The following PTPRF variants were observed in gnomAD, a reference collection of about 807,000 sequenced individuals.
The protein encoded by PTPRF is protein tyrosine phosphatase receptor type F.
PTPRF carries 59 observed loss-of-function variants against 201.8 expected under a neutral mutation model. The observed-to-expected ratio is 0.29, with a 90% CI of 0.24 to 0.36. PTPRF has a LOEUF of 0.36. PTPRF is among the 10% of genes least tolerant of loss of function. The pLI, the probability that PTPRF is intolerant of heterozygous loss-of-function variation, is 1.00. For synonymous variants in PTPRF, 1,088 were observed against 1,089.7 expected (o/e 1.00, Z 0.03); for missense variants, 2,132 against 2,690.5 (o/e 0.79, Z 4.59).
Position 43,606,874 on chromosome 1 carries a change from C to G in PTPRF, c.3763C>G (p.Gln1255Glu), listed in dbSNP as rs769404453. 3.1e-6 allele frequency: 5 copies of G among 1,614,184 alleles called. No homozygotes were observed. The Admixed American group carries it at 8.3e-5, about 27-fold the overall frequency. The stretch of plus-strand genomic sequence containing the variant: ...CGTGGTCCAGGTGACACCAGCCCAG[C>G]AGCAGGAGGAGCCGGAGATGCTGTG... The part of the protein sequence containing the change: ...EIVVQVTPAQ[Q>E]QEEPEMLWVT... Residue 1255 changes from glutamine (Q) to glutamate (E), a missense_variant, in exon 21 of 34, where the codon CAG becomes GAG. Physicochemically the swap from Gln to Glu is conservative, Grantham distance 29 (BLOSUM62 2). Coordinates refer to ENST00000359947, the MANE Select transcript of PTPRF (RefSeq NM_002840.5).
chr1:43,579,533 C>T, intron 7 of PTPRF: 1 of 309,774 alleles, frequency 3.2e-6, no homozygotes. Context: ...ATGTTCTTTG[C>T]TGGGAGCGAG....
intron 11 of PTPRF, among the ~76,000 whole-genome samples, chr1:43,595,879 G>A (rs1328223587): frequency 6.6e-6 from 1 of 152,038 alleles, no homozygotes; most frequent in Non-Finnish European, 1.5e-5. Context: ...TGGAGGAGGG[G>A]GACTGTTTCA....
At chr1:43,599,478 C>T (rs947726554) in intron 13 of PTPRF, among the ~76,000 whole-genome samples, 1 of 152,184 alleles carries the variant, frequency 6.6e-6, no homozygotes, top group African/African-American at 2.4e-5. Flanking sequence ...TGTCTTACCC[C>T]ACTGGCGGCC....
chr1:43,604,239 G>T, intron 16 of PTPRF, 50 bp downstream of exon 16: 1 of 1,573,084 alleles, frequency 6.4e-7, no homozygotes, highest in Non-Finnish European at 8.7e-7. Context: ...TGCATCTGGG[G>T]GTCTCTGCTC....
chr1:43,584,941 C>T (rs1021430969), intron 7 of PTPRF, among the ~76,000 whole-genome samples: 1 of 152,228 alleles, frequency 6.6e-6, no homozygotes, highest in Non-Finnish European at 1.5e-5. Flanking sequence ...CCGCACCGCC[C>T]TATTATAGGG....
Position 43,620,921 on chromosome 1 carries a change from T to G in PTPRF, c.5448T>G (p.Ile1816Met). 6.2e-7 allele frequency: 1 copy of G among 1,614,196 alleles called. No individual in the cohort carries two copies. ...QGVPKTGEGF[I>M]DFIGQVHKTK... ...TGCCCAAGACAGGCGAGGGATTCAT[T>G]GACTTCATCGGGCAGGTGCATAAGA... Residue 1816 changes from isoleucine (I) to methionine (M), a missense_variant, in exon 32 of 34, where the codon ATT (isoleucine) becomes ATG (methionine). Ile to Met is a conservative substitution (Grantham distance 10). Around this residue, in one of 6 missense-constraint regions of PTPRF, gnomAD observed 519 missense variants for 659.5 expected, o/e 0.79. Transcript: ENST00000359947.
intron 9 of PTPRF, 75 bp downstream of exon 9, chr1:43,591,628 C>A (rs1241215865): frequency 6.8e-7 from 1 of 1,465,402 alleles, no homozygotes. Context: ...GCCTTTCCCC[C>A]TCCCTCGGCT....
rs17849096 is a variant in PTPRF at position 43,591,246 on chromosome 1, G to A, written c.1224G>A (p.Thr408=). The A allele has an allele frequency of 7.1e-5, 112 of 1,588,346 alleles. No homozygotes were observed. The Admixed American group carries it at 1.4e-3, about 20-fold the overall frequency. Residue 408 remains threonine, a synonymous_variant, in exon 9 of 34, where the codon ACG becomes ACA. Transcript: ENST00000359947. ...GPPSEAVRAR[T]GEQAPSSPPR... is the part of the protein sequence containing the mutation. The stretch of plus-strand genomic sequence containing the variant: ...CCAGCGAGGCAGTGCGGGCACGCAC[G>A]GGAGAACAGGCGCCCTCCAGCCCAC...
intron 6 of PTPRF, 33 bp downstream of exon 6, chr1:43,569,811 A>G: frequency 6.3e-7 from 1 of 1,575,618 alleles, no homozygotes; most frequent in Admixed American, 1.8e-5. Context: ...GGGGCCATGC[A>G]GACCTCAGAA....
chr1:43,614,622 G>A (rs1443295800), intron 23 of PTPRF, among the ~76,000 whole-genome samples: 10 of 152,124 alleles, frequency 6.6e-5, no homozygotes, highest in African/African-American at 1.4e-4. Flanking sequence ...AGGCCGAGGC[G>A]GGTGGATCAC....
intron 26 of PTPRF, 113 bp from the exon 27 acceptor site, chr1:43,618,935 C>T: frequency 6.8e-7 from 1 of 1,472,226 alleles, no homozygotes; most frequent in Non-Finnish European, 9.3e-7. Flanking sequence ...CTCTGTGTGG[C>T]TTCTGAGTCC....
rs1447715237 is a variant in PTPRF, at chr1:43,605,375, C to T, written c.3321C>T (p.Ala1107=). 4 of 1,614,068 alleles carry T rather than the reference C, an allele frequency of 2.5e-6. No homozygotes were observed. The highest frequency in any genetic ancestry group is 3.4e-6 in the Non-Finnish European group (4 of 1,180,002). The change falls in exon 18 of 34, where the codon GCC becomes GCT. Residue 1107 remains alanine (A), a synonymous_variant. Coordinates refer to ENST00000359947, the MANE Select transcript of PTPRF (RefSeq NM_002840.5). Reference sequence around the variant, plus strand: ...TCCTGCCTCACAAGCCGCTGCCTGCCTCTGCCTACATAGAGGACGGCCGCT... The same window carrying T: ...TCCTGCCTCACAAGCCGCTGCCTGCTTCTGCCTACATAGAGGACGGCCGCT... ...PDLLPHKPLP[A]SAYIEDGRFD...
At chr1:43,559,520 G>A (rs933201656) in intron 5 of PTPRF, among the ~76,000 whole-genome samples, 2 of 151,588 alleles carry the variant, frequency 1.3e-5, no homozygotes, top group African/African-American at 2.4e-5. Context: ...TGTTTATATC[G>A]GGTAGTGTGT....
chr1:43,585,260 T>A (rs571539244), intron 7 of PTPRF, among the ~76,000 whole-genome samples: 2 of 152,302 alleles, frequency 1.3e-5, no homozygotes, highest in African/African-American at 4.8e-5. Context: ...TGCCAGCCAC[T>A]CCAGCTGTTG....
In PTPRF at chr1:43,620,165, T is replaced by C. The variant is rs769736790; in HGVS notation, c.5182T>C (p.Trp1728Arg). The C allele has an allele frequency of 1.9e-6, 3 of 1,614,124 alleles. No individual in the cohort carries two copies. Among genetic ancestry groups the C allele is most frequent in the African/African-American group, 1.3e-5 (1 of 75,034 alleles). ...CACCGAGGACTTCTGGCGCATGCTA[T>C]GGGAGCACAATTCCACCATCATCGT... ...ESTEDFWRMLWEHNSTIIVML... is the reference protein window; with the variant it reads ...ESTEDFWRMLREHNSTIIVML... Residue 1728 changes from tryptophan to arginine, a missense_variant, in exon 30 of 34, where the codon TGG becomes CGG. By Grantham distance (101) the Trp-to-Arg change is moderately radical (BLOSUM62 -3). Transcript: ENST00000359947.
At chr1:43,583,172 G>A (rs1557768136) in intron 7 of PTPRF, 18 of 914,454 alleles carry the variant, frequency 2.0e-5, no homozygotes, top group Non-Finnish European at 2.1e-5. Context: ...CAGCGGGCTC[G>A]GTCAGCTCCC....
chr1:43,540,735 A>C (rs1644309941), intron 2 of PTPRF, among the ~76,000 whole-genome samples: 1 of 152,154 alleles, frequency 6.6e-6, no homozygotes, highest in Non-Finnish European at 1.5e-5. Flanking sequence ...CGTGGGAGGG[A>C]GGGCTGTTCC....
chr1:43,616,115 C>T (rs923488653), intron 23 of PTPRF, among the ~76,000 whole-genome samples: 2 of 151,666 alleles, frequency 1.3e-5, no homozygotes, highest in African/African-American at 4.9e-5. Context: ...CGGGGTCTCA[C>T]GGAAGCAGTG....
chr1:43,549,488 T>G (rs1003588434), intron 3 of PTPRF, among the ~76,000 whole-genome samples: 1 of 152,060 alleles, frequency 6.6e-6, no homozygotes, highest in Non-Finnish European at 1.5e-5. Flanking sequence ...GTGGCCTAGG[T>G]GGTGGGTCCA....
Sources: gnomAD v4.1 joint callset for allele counts (sites outside exome capture counted in the v4.1 genomes callset) on GRCh38, gnomAD v4.1.1 for gene constraint, gnomAD v4.1.1 regional missense constraint, MANE v1.5 for transcripts, NCBI Gene and HGNC (gene_info 2026-07-23, HGNC 2026-07-21) for gene names.